Variants in ESR1 observed in about 807,000 individuals in gnomAD.
ESR1 encodes the protein estrogen receptor.
Under a neutral mutation model 52.7 loss-of-function variants are expected in ESR1, and 12 were observed. The observed-to-expected ratio is 0.23, with a 90% CI of 0.15 to 0.37. The LOEUF (loss-of-function observed/expected upper bound fraction) is 0.37, where lower values mean the gene tolerates loss of function less well. Ranked by LOEUF, ESR1 falls within the 10% of genes least tolerant of loss-of-function variation. The pLI, the probability that ESR1 is intolerant of heterozygous loss-of-function variation, is 1.00. For missense variants in ESR1, 584 were observed against 779.7 expected (o/e 0.75, Z 2.99); for synonymous variants, 305 against 316.8 (o/e 0.96, Z 0.39).
intron 5 of ESR1, among the ~76,000 whole-genome samples, chr6:152,012,811 T>G (rs2042887181): frequency 1.3e-5 from 2 of 152,212 alleles, no homozygotes; most frequent in African/African-American, 4.8e-5. Flanking sequence ...TTTGCCTCCG[T>G]GCCAAGCAGT....
At chr6:151,913,437 A>G (rs1798584766) in intron 3 of ESR1, among the ~76,000 whole-genome samples, 1 of 152,236 alleles carries the variant, frequency 6.6e-6, no homozygotes, top group South Asian at 2.1e-4. Context: ...GTACATGCAT[A>G]CACTTTATTT....
At chr6:151,694,491 T>C (rs1452001678) in intron 1 of ESR1, among the ~76,000 whole-genome samples, 1 of 152,146 alleles carries the variant, frequency 6.6e-6, no homozygotes, top group African/African-American at 2.4e-5. Flanking sequence ...TTCACTTTTA[T>C]AAAATGCAAG....
chr6:151,968,547 A>T (rs2038544351), intron 4 of ESR1, among the ~76,000 whole-genome samples: 1 of 152,186 alleles, frequency 6.6e-6, no homozygotes, highest in African/African-American at 2.4e-5. Flanking sequence ...AATATCCAGA[A>T]TGATCTCTAT....
intron 4 of ESR1, among the ~76,000 whole-genome samples, chr6:151,947,228 A>G (rs1220543142): frequency 2.0e-5 from 3 of 152,180 alleles, no homozygotes; most frequent in Non-Finnish European, 4.4e-5. Context: ...TTGAGGTGGG[A>G]GAATTGCTTG....
upstream of ESR1, among the ~76,000 whole-genome samples, chr6:151,802,509 T>C (rs1469014222): frequency 6.6e-6 from 1 of 152,188 alleles, no homozygotes; most frequent in African/African-American, 2.4e-5. Context: ...AAAATGCTTT[T>C]AATGGAGCTA....
chr6:151,898,239 C>T (rs1795854413), intron 3 of ESR1, among the ~76,000 whole-genome samples: 1 of 152,082 alleles, frequency 6.6e-6, no homozygotes, highest in Non-Finnish European at 1.5e-5. Flanking sequence ...ATGTCTAGGT[C>T]TCTAATAAGG....
intron 5 of ESR1, among the ~76,000 whole-genome samples, chr6:152,034,568 T>C (rs989605709): frequency 6.6e-5 from 10 of 152,198 alleles, no homozygotes; most frequent in African/African-American, 2.4e-4. Context: ...AAGTGTTTAA[T>C]TTCTCGTATT....
intron 2 of ESR1, among the ~76,000 whole-genome samples, chr6:151,713,710 CTAT>C (rs2128002772): frequency 7.2e-6 from 1 of 138,492 alleles, no homozygotes; most frequent in Non-Finnish European, 1.6e-5. Context: ...TTTAGTGTGT[CTAT>C]TTGATTTTTC....
intron 2 of ESR1, among the ~76,000 whole-genome samples, chr6:151,791,401 C>A (rs1432807444): frequency 6.6e-6 from 1 of 152,164 alleles, no homozygotes; most frequent in African/African-American, 2.4e-5. Flanking sequence ...GTAAGAAGCG[C>A]CTTTGCTCTT....
chr6:151,824,557 T>C (rs1431563757), intron 1 of ESR1, among the ~76,000 whole-genome samples: 4 of 152,242 alleles, frequency 2.6e-5, no homozygotes, highest in Admixed American at 2.6e-4. Flanking sequence ...CATACCTATG[T>C]CCTGAATGGT....
intron 5 of ESR1, among the ~76,000 whole-genome samples, chr6:152,052,178 A>T (rs1189998382): frequency 6.6e-6 from 1 of 152,106 alleles, no homozygotes; most frequent in Non-Finnish European, 1.5e-5. Flanking sequence ...TCCTTAAACG[A>T]CCTGCTCTCC....
downstream of ESR1, among the ~76,000 whole-genome samples, chr6:152,105,004 A>G (rs1177629793): frequency 1.3e-5 from 2 of 152,114 alleles, no homozygotes; most frequent in African/African-American, 4.8e-5. Flanking sequence ...CAGTGTTGAG[A>G]GAGCTTCTAG....
At chr6:151,805,442 G>A (rs1248040570), upstream of ESR1, 3 of 152,192 alleles carry the variant, frequency 2.0e-5, no homozygotes, top group African/African-American at 4.8e-5. Flanking sequence ...GAAAGCATAG[G>A]GTACTTTCCA....
At chr6:151,849,464 T>C (rs1227695147) in intron 2 of ESR1, among the ~76,000 whole-genome samples, 1 of 152,030 alleles carries the variant, frequency 6.6e-6, no homozygotes, top group African/African-American at 2.4e-5. Flanking sequence ...ACCAACATGG[T>C]GAAACCCTGT....
At chr6:151,877,786 A>G (rs1016571397) in intron 2 of ESR1, among the ~76,000 whole-genome samples, 6 of 152,042 alleles carry the variant, frequency 3.9e-5, no homozygotes, top group Non-Finnish European at 8.8e-5. Context: ...TCTGAAACTT[A>G]ATGTATACTA....
At chr6:151,734,072 C>T (rs565228886) in intron 2 of ESR1, among the ~76,000 whole-genome samples, 1 of 152,290 alleles carries the variant, frequency 6.6e-6, no homozygotes, top group Non-Finnish European at 1.5e-5. Flanking sequence ...TTGCCTGTAA[C>T]ACCTCAGCTC....
At chr6:151,869,592 A>C (rs1790583622) in intron 2 of ESR1, among the ~76,000 whole-genome samples, 2 of 152,122 alleles carry the variant, frequency 1.3e-5, no homozygotes, top group Admixed American at 1.3e-4. Context: ...GCAGATGGTA[A>C]GTTAGAGGTT....
intron 2 of ESR1, among the ~76,000 whole-genome samples, chr6:151,789,084 C>T (rs1787285117): frequency 1.3e-5 from 2 of 152,030 alleles, no homozygotes; most frequent in African/African-American, 4.8e-5. Context: ...CAAACCTGCA[C>T]GTGTACCCCT....
intron 1 of ESR1, among the ~76,000 whole-genome samples, chr6:151,682,273 GA>G (rs1226409420): frequency 1.3e-5 from 2 of 152,184 alleles, no homozygotes; most frequent in African/African-American, 4.8e-5. Flanking sequence ...TTGCACGGTA[GA>G]GGCTGATGCT....
Sources: gnomAD v4.1 joint callset for allele counts (sites outside exome capture counted in the v4.1 genomes callset) on GRCh38, gnomAD v4.1.1 for gene constraint, MANE v1.5 for transcripts, NCBI Gene and HGNC (gene_info 2026-07-23, HGNC 2026-07-21) for gene names.